GSK3B: variants seen among roughly 807,000 people sequenced by gnomAD.
The protein encoded by GSK3B is glycogen synthase kinase 3 beta.
GSK3B carries 15 observed loss-of-function variants against 56.4 expected under a neutral mutation model. The ratio of observed to expected loss-of-function variants is 0.27; its 90% CI spans 0.18 to 0.41. GSK3B has a LOEUF of 0.41. Among genes scored for constraint, GSK3B ranks in the 10% least tolerant of loss-of-function variants. The probability of loss-of-function intolerance (pLI) is 1.00; values close to 1 mark genes in which losing one functional copy is unlikely to be tolerated. For missense variants in GSK3B, 300 were observed against 513.4 expected (o/e 0.58, Z 4.02); for synonymous variants, 181 against 188.9 (o/e 0.96, Z 0.34).
rs545928591 is a variant in GSK3B, at chr3:120,052,499, C to T, written c.88+40848G>A. On this transcript the variant is annotated intron_variant, in intron 1 of 10. Transcript: ENST00000264235. The stretch of plus-strand genomic sequence containing the variant: ...ATAGCTAGTCCACAGTAACCCCCAA[C>T]GCACCCCAAGTAAAATATCCCATAT... Among the ~76,000 whole-genome samples, 72 of 152,252 alleles carry T rather than the reference C, an allele frequency of 4.7e-4. No homozygotes were observed. The South Asian group carries it at 0.01, about 22-fold the overall frequency.
intron 1 of GSK3B, among the ~76,000 whole-genome samples, chr3:120,079,126 G>A (rs1247335415): frequency 6.6e-6 from 1 of 150,826 alleles, no homozygotes; most frequent in Non-Finnish European, 1.5e-5. Context: ...ATTTTTGGTA[G>A]AGACAGGGTT....
intron 9 of GSK3B, among the ~76,000 whole-genome samples, chr3:119,862,667 G>GT (rs79778347): frequency 0.073 from 8,037 of 110,412 alleles, 409 homozygotes; most frequent in Non-Finnish European, 0.1. Context: ...ACTATTTCTT[G>GT]TTTTTTTTTT....
chr3:119,950,879 A>C (rs2057150475), intron 2 of GSK3B, among the ~76,000 whole-genome samples: 1 of 152,222 alleles, frequency 6.6e-6, no homozygotes, highest in Non-Finnish European at 1.5e-5. Context: ...TCAGTGAGGC[A>C]GTTTTCCCAG....
At chr3:119,980,413 C>A (rs1425004367) in intron 2 of GSK3B, among the ~76,000 whole-genome samples, 1 of 152,020 alleles carries the variant, frequency 6.6e-6, no homozygotes. Flanking sequence ...AGTACAATAG[C>A]ACAATCTCAG....
At chr3:119,874,341 AT>A (rs2056282704) in intron 8 of GSK3B, among the ~76,000 whole-genome samples, 1 of 152,142 alleles carries the variant, frequency 6.6e-6, no homozygotes, top group Non-Finnish European at 1.5e-5. Context: ...TACTTCATAA[AT>A]TAGGCACAGT....
At chr3:119,911,797 G>T (rs759005764) in intron 6 of GSK3B, among the ~76,000 whole-genome samples, 1 of 152,206 alleles carries the variant, frequency 6.6e-6, no homozygotes, top group South Asian at 2.1e-4. Context: ...GATTTTTCTT[G>T]TGTAGCTTCC....
chr3:119,824,507 G>A lies in GSK3B; in HGVS notation c.*2281C>T, dbSNP rs1303924820. On this transcript the variant is annotated 3_prime_UTR_variant, in exon 11 of 11. Coordinates refer to ENST00000264235, the MANE Select transcript of GSK3B (RefSeq NM_001146156.2). ...TCCAGAGCAGTGTCTGCATCCAAAC[G>A]CTTGCTGGGCAGTTGGATCTGAATG... is the stretch of plus-strand genomic sequence containing the variant. 2.8e-5 allele frequency: 6 copies of A among 214,956 alleles called. No homozygotes were observed. The highest frequency in any genetic ancestry group is 3.8e-5 in the Non-Finnish European group (4 of 106,454). 13.3% of individuals were successfully genotyped at this position (214,956 alleles called of 1,614,324 possible).
chr3:120,089,248 A>C (rs954214940), intron 1 of GSK3B, among the ~76,000 whole-genome samples: 1 of 152,190 alleles, frequency 6.6e-6, no homozygotes, highest in Non-Finnish European at 1.5e-5. Context: ...ACTTACTGTC[A>C]CTTCACAATT....
At chr3:119,958,028 A>AC (rs2057231218) in intron 2 of GSK3B, among the ~76,000 whole-genome samples, 3 of 151,408 alleles carry the variant, frequency 2.0e-5, no homozygotes, top group African/African-American at 7.3e-5. Context: ...GAGGACCTAT[A>AC]CCCCCCCAAG....
At chr3:119,969,995 T>C (rs931820317) in intron 2 of GSK3B, among the ~76,000 whole-genome samples, 3 of 152,192 alleles carry the variant, frequency 2.0e-5, no homozygotes, top group Non-Finnish European at 2.9e-5. Context: ...ATTCATCACA[T>C]AGCAGCCCTC....
At chr3:119,963,527 G>A (rs1475042516) in intron 2 of GSK3B, among the ~76,000 whole-genome samples, 2 of 149,028 alleles carry the variant, frequency 1.3e-5, no homozygotes, top group African/African-American at 5.0e-5. Context: ...GCTGAGGTGG[G>A]AGATCGCCTG....
rs1027096315 is a variant in GSK3B, at chr3:119,824,743, T to C, written c.*2045A>G. On this transcript the variant is annotated 3_prime_UTR_variant, in exon 11 of 11. Coordinates refer to ENST00000264235, the MANE Select transcript of GSK3B (RefSeq NM_001146156.2). ...TTGACTGAGCATGTTTCCTTTCTCA[T>C]AAACTCTGATATATCCAGAGGTTTG... 1.0e-4 allele frequency: 19 copies of C among 189,736 alleles called. No individual in the cohort carries two copies. The highest frequency in any genetic ancestry group is 4.4e-4 in the African/African-American group (19 of 42,882). The allele number at this position is 189,736 out of a possible 1,614,324, so 11.8% of individuals were successfully genotyped here. A position where few individuals can be genotyped will look rare whatever the true frequency, so the allele number is the denominator to read the frequency against.
At chr3:119,840,465 C>G (rs1375588933) in intron 10 of GSK3B, among the ~76,000 whole-genome samples, 1 of 152,138 alleles carries the variant, frequency 6.6e-6, no homozygotes, top group Non-Finnish European at 1.5e-5. Context: ...CTCAGGTGAT[C>G]TGCCTGTCTC....
intron 1 of GSK3B, among the ~76,000 whole-genome samples, chr3:120,005,709 T>G (rs981167357): frequency 6.6e-6 from 1 of 152,202 alleles, no homozygotes; most frequent in African/African-American, 2.4e-5. Flanking sequence ...TAAAATCCTT[T>G]ACGGACAAGC....
chr3:120,039,396 C>T (rs912589894), intron 1 of GSK3B, among the ~76,000 whole-genome samples: 1 of 152,212 alleles, frequency 6.6e-6, no homozygotes, highest in Non-Finnish European at 1.5e-5. Context: ...ATGAATTTTT[C>T]TGAATTTCTC....
chr3:120,044,585 T>C (rs2058088217), intron 1 of GSK3B, among the ~76,000 whole-genome samples: 2 of 152,196 alleles, frequency 1.3e-5, no homozygotes, highest in Non-Finnish European at 2.9e-5. Flanking sequence ...AGGGAGTACC[T>C]GATAAATTCA....
At chr3:119,935,154 T>C (rs1008696324) in intron 3 of GSK3B, among the ~76,000 whole-genome samples, 3 of 152,122 alleles carry the variant, frequency 2.0e-5, no homozygotes, top group Admixed American at 6.5e-5. Flanking sequence ...TCATACTCCA[T>C]TGAAAATGTT....
At chr3:119,929,766 G>A (rs2056924903) in intron 3 of GSK3B, among the ~76,000 whole-genome samples, 1 of 152,018 alleles carries the variant, frequency 6.6e-6, no homozygotes, top group African/African-American at 2.4e-5. Context: ...GCCAGGCATG[G>A]TGGCGCATGC....
At chr3:120,012,617 G>A (rs868215775) in intron 1 of GSK3B, among the ~76,000 whole-genome samples, 21 of 152,098 alleles carry the variant, frequency 1.4e-4, no homozygotes, top group African/African-American at 3.1e-4. Context: ...CCCTCATGAC[G>A]CAATGAAAAG....
Sources: allele counts gnomAD v4.1 joint callset (sites outside exome capture counted in the v4.1 genomes callset), GRCh38; gene constraint gnomAD v4.1.1; transcripts MANE v1.5; gene names NCBI Gene and HGNC (gene_info 2026-07-23, HGNC 2026-07-21).